COL4A6: variants seen among roughly 807,000 people sequenced by gnomAD.
COL4A6 encodes collagen alpha-6(IV) chain.
COL4A6 carries 59 observed loss-of-function variants against 126.7 expected under a neutral mutation model. That is an observed-to-expected ratio of 0.47 (90% confidence interval 0.38 to 0.58). The LOEUF is 0.58. Ranked by LOEUF, COL4A6 falls within the 20% of genes least tolerant of loss-of-function variation. The pLI, the probability that COL4A6 is intolerant of heterozygous loss-of-function variation, is 0.00. For missense variants in COL4A6, 1,285 were observed against 1,337.3 expected (o/e 0.96, Z 0.61); for synonymous variants, 547 against 496.6 (o/e 1.10, Z -1.35).
At chrX:108,183,046 C>T (rs961087540) in intron 23 of COL4A6, among the ~76,000 whole-genome samples, 6 of 112,118 alleles carry the variant, frequency 5.4e-5, no homozygotes, top group African/African-American at 1.9e-4. Context: ...TGTCTTATGC[C>T]TGTATGCCAC....
chrX:108,376,888 C>T (rs1377740976), intron 2 of COL4A6, among the ~76,000 whole-genome samples: 1 of 112,563 alleles, frequency 8.9e-6, no homozygotes, highest in East Asian at 2.8e-4. Flanking sequence ...GTTGCCCCTC[C>T]ACACCTGTGG....
At chrX:108,395,264 T>C (rs1246456594) in intron 2 of COL4A6, among the ~76,000 whole-genome samples, 2 of 111,970 alleles carry the variant, frequency 1.8e-5, no homozygotes, top group Non-Finnish European at 1.9e-5. Context: ...ATCTTCCACA[T>C]GCTACCTCTG....
chrX:108,248,740 T>C (rs2036777713), intron 3 of COL4A6, among the ~76,000 whole-genome samples: 2 of 110,841 alleles, frequency 1.8e-5, no homozygotes, highest in South Asian at 7.7e-4. Flanking sequence ...CAGACTGGTA[T>C]CAGTCTGTGG....
chrX:108,214,143 G>A lies in COL4A6; in HGVS notation c.410C>T (p.Pro137Leu). 1 of 1,209,738 alleles carries A rather than the reference G, an allele frequency of 8.3e-7. No individual in the cohort carries two copies. Among genetic ancestry groups the A allele is most frequent in the South Asian group, 1.8e-5 (1 of 56,619 alleles). The change falls in exon 6 of 45, where the codon CCT becomes CTT. Residue 137 changes from proline to leucine, a missense_variant. By Grantham distance (98) the Pro-to-Leu change is moderately conservative. Coordinates refer to ENST00000334504, the MANE Select transcript of COL4A6 (RefSeq NM_033641.4). ...TCCGAGAAGCCCAGGATAGCCATCA[G>A]GGCCTGGAAATCCAACAGCTCCTTG... is the stretch of plus-strand genomic sequence containing the variant. ...GTQGAVGFPG[P>L]DGYPGLLGPP...
intron 2 of COL4A6, among the ~76,000 whole-genome samples, chrX:108,431,023 A>C (rs1703395844): frequency 9.0e-6 from 1 of 111,520 alleles, no homozygotes; most frequent in Non-Finnish European, 1.9e-5. Context: ...AATCATCACT[A>C]TATAGGAGGC....
Position 108,191,702 on chromosome X carries a change from C to T in COL4A6, c.1181-169G>A, listed in dbSNP as rs746388584. Reference sequence around the variant, plus strand: ...CCTTAGGGATCAATTAGCCTAACCTCTTGGGAAACAGAGACCCAAAGAAGA... The same window carrying T: ...CCTTAGGGATCAATTAGCCTAACCTTTTGGGAAACAGAGACCCAAAGAAGA... On this transcript the variant is annotated intron_variant, in intron 18 of 44. Coordinates refer to ENST00000334504, the MANE Select transcript of COL4A6 (RefSeq NM_033641.4). Among the ~76,000 whole-genome samples the T allele has an allele frequency of 5.4e-5, 6 of 112,011 alleles. No homozygotes were observed. In the East Asian group the frequency reaches 1.4e-3, roughly 26 times the overall value.
intron 2 of COL4A6, among the ~76,000 whole-genome samples, chrX:108,434,957 C>G (rs1425530726): frequency 3.6e-5 from 4 of 110,333 alleles, no homozygotes; most frequent in African/African-American, 9.9e-5. Flanking sequence ...TGGAAGAGAT[C>G]GTCTCCATCG....
chrX:108,321,432 A>G (rs764534414), intron 2 of COL4A6, among the ~76,000 whole-genome samples: 1 of 111,545 alleles, frequency 9.0e-6, no homozygotes, highest in African/African-American at 3.3e-5. Context: ...AGTCAGGAAA[A>G]AAAAGATGAG....
At chrX:108,242,772 AG>A (rs1300861101) in intron 3 of COL4A6, among the ~76,000 whole-genome samples, 1 of 110,893 alleles carries the variant, frequency 9.0e-6, no homozygotes, top group Admixed American at 9.6e-5. Context: ...GTGAGTGATG[AG>A]ACTTACCCAG....
At chrX:108,313,378 G>A (rs938006487) in intron 2 of COL4A6, among the ~76,000 whole-genome samples, 194 of 111,306 alleles carry the variant, frequency 1.7e-3, no homozygotes, top group African/African-American at 6.3e-3. Flanking sequence ...CTAATACAGT[G>A]GTTCTTAACT....
chrX:108,163,329 T>C (rs1296933851), intron 40 of COL4A6: 2 of 247,587 alleles, frequency 8.1e-6, no homozygotes, highest in Admixed American at 1.5e-4. Flanking sequence ...AAGCATTTGC[T>C]GCTAATATGG....
At position 108,391,106 on chromosome X, in the gene COL4A6, G is replaced by A. The variant is rs140783481; in HGVS notation, c.63+46836C>T. ...GGGCACCAGCCAAATGCCATCCAGC[G>A]CTTTCCTGTATGAGCTGTCTGTCTG... On this transcript the variant is annotated intron_variant, in intron 2 of 44. Coordinates refer to ENST00000334504, the MANE Select transcript of COL4A6 (RefSeq NM_033641.4). Among the ~76,000 whole-genome samples the A allele has an allele frequency of 6.1e-3, 674 of 111,200 alleles. 5 individuals carry two copies. The highest frequency in any genetic ancestry group is 9.3e-3 in the Middle Eastern group (2 of 216).
intron 2 of COL4A6, among the ~76,000 whole-genome samples, chrX:108,339,238 T>G (rs2039502999): frequency 1.8e-5 from 2 of 112,583 alleles, no homozygotes; most frequent in Non-Finnish European, 3.8e-5. Context: ...CAACAGCTTC[T>G]GAATCCCACA....
chrX:108,268,955 T>A, intron 3 of COL4A6: 1 of 272,400 alleles, frequency 3.7e-6, no homozygotes, highest in South Asian at 3.7e-5. Context: ...GGCCACTTGC[T>A]TATCTTCTGC....
At chrX:108,345,992 C>G (rs1025928523) in intron 2 of COL4A6, among the ~76,000 whole-genome samples, 3 of 111,300 alleles carry the variant, frequency 2.7e-5, no homozygotes, top group African/African-American at 9.8e-5. Context: ...AAACACAAGT[C>G]TAAATGTTGT....
At chrX:108,431,271 T>C (rs1227729276) in intron 2 of COL4A6, among the ~76,000 whole-genome samples, 2 of 111,941 alleles carry the variant, frequency 1.8e-5, no homozygotes, top group East Asian at 5.6e-4. Flanking sequence ...TAAGGAGAAC[T>C]AGTGAGGCAA....
chrX:108,261,357 A>C (rs1602951002), intron 3 of COL4A6, among the ~76,000 whole-genome samples: 1 of 111,386 alleles, frequency 9.0e-6, no homozygotes, highest in Non-Finnish European at 1.9e-5. Context: ...TTATACCTGG[A>C]GTGGGTAGGG....
At chrX:108,371,595 A>AAC in intron 2 of COL4A6, among the ~76,000 whole-genome samples, 1 of 106,014 alleles carries the variant, frequency 9.4e-6, no homozygotes, top group African/African-American at 3.5e-5. Context: ...AAAAAAAAAA[A>AAC]ACTCTTTTAA....
At chrX:108,199,196 A>AT (rs746331336) in intron 13 of COL4A6, among the ~76,000 whole-genome samples, 2 of 109,842 alleles carry the variant, frequency 1.8e-5, no homozygotes, top group Non-Finnish European at 3.8e-5. Context: ...TAAAAGGAAC[A>AT]TTTTGGATTC....
Sources: gnomAD v4.1 joint callset for allele counts (sites outside exome capture counted in the v4.1 genomes callset) on GRCh38, gnomAD v4.1.1 for gene constraint, MANE v1.5 for transcripts, NCBI Gene and HGNC (gene_info 2026-07-23, HGNC 2026-07-21) for gene names.